IGF2: variants seen among roughly 807,000 people sequenced by gnomAD.
IGF2 encodes the protein insulin like growth factor 2.
Under a neutral mutation model 12.0 loss-of-function variants are expected in IGF2, and 2 were observed. The ratio of observed to expected loss-of-function variants is 0.17; its 90% CI spans 0.07 to 0.52. IGF2 has a LOEUF of 0.52. Ranked by LOEUF, IGF2 falls within the 20% of genes least tolerant of loss-of-function variation. The pLI is 0.95. For synonymous variants in IGF2, 105 were observed against 110.1 expected (o/e 0.95, Z 0.29); for missense variants, 211 against 268.0 (o/e 0.79, Z 1.48).
At chr11:2,139,697 C>T (rs1859419866), upstream of IGF2, among the ~76,000 whole-genome samples, 2 of 151,704 alleles carry the variant, frequency 1.3e-5, no homozygotes, top group South Asian at 2.1e-4. Flanking sequence ...TCAGGGGCCC[C>T]ATCCCGGGTT....
At chr11:2,148,439 G>C in the IGF2 span, 1 of 152,732 alleles carries the variant, frequency 6.5e-6, no homozygotes, top group Admixed American at 6.5e-5. The surrounding 1 kb of genome is among the most constrained non-coding windows in gnomAD (Gnocchi z 4.3). Flanking sequence ...GCGCCTCTCT[G>C]TGCCAGGGAG....
chr11:2,129,827 C>A lies in IGF2; in HGVS notation c.*3160G>T, dbSNP rs1316791744. ...GGGGCACAAGTGGGGGCGAGGTAAA[C>A]CTCCCAGAGGCCGAGTCCCTGCCGC... On this transcript the variant is annotated 3_prime_UTR_variant, in exon 4 of 4. Transcript: ENST00000416167. This position sits in a 1 kb window ranked among gnomAD's most constrained non-coding sequence, Gnocchi z 8.1. 7 of 232,264 alleles carry A rather than the reference C, an allele frequency of 3.0e-5. No individual in the cohort carries two copies. The highest frequency in any genetic ancestry group is 5.6e-5 in the Admixed American group (1 of 17,736). 14.4% of individuals were successfully genotyped at this position (232,264 alleles called of 1,614,324 possible). A position where few individuals can be genotyped will look rare whatever the true frequency, so the allele number is the denominator to read the frequency against.
intron 1 of IGF2, among the ~76,000 whole-genome samples, chr11:2,136,481 G>A (rs1016097771): frequency 6.6e-6 from 1 of 152,246 alleles, no homozygotes; most frequent in African/African-American, 2.4e-5. Context: ...AGGCTGCAGG[G>A]CCACAGGGCC....
At chr11:2,137,320 T>G in intron 1 of IGF2, 2 of 934,198 alleles carry the variant, frequency 2.1e-6, no homozygotes, top group Non-Finnish European at 2.6e-6. Context: ...CTTTTATGTG[T>G]GAGCCGACTC....
upstream of IGF2, chr11:2,140,894 G>A: frequency 2.6e-6 from 1 of 377,708 alleles, no homozygotes; most frequent in Non-Finnish European, 5.1e-6. Context: ...CGCACCAGGA[G>A]CTCAGGCAGC....
intron 1 of IGF2, among the ~76,000 whole-genome samples, chr11:2,135,797 A>G (rs1486972640): frequency 1.3e-5 from 2 of 152,218 alleles, no homozygotes; most frequent in Non-Finnish European, 2.9e-5. Context: ...GTAATTTTAC[A>G]CGAGGGGTGA....
At chr11:2,146,330 G>C in the IGF2 span, 1 of 536,060 alleles carries the variant, frequency 1.9e-6, no homozygotes, top group Non-Finnish European at 3.8e-6. Flanking sequence ...AGGGTCCTCA[G>C]AGCGCCCCTC....
chr11:2,136,015 C>T (rs80198442), intron 1 of IGF2, among the ~76,000 whole-genome samples: 2 of 152,188 alleles, frequency 1.3e-5, no homozygotes, highest in Admixed American at 6.5e-5. Flanking sequence ...GGACCAGTCC[C>T]TTCCTCCCCA....
intron 1 of IGF2, among the ~76,000 whole-genome samples, chr11:2,135,976 C>T (rs2133594303): frequency 6.6e-6 from 1 of 152,278 alleles, no homozygotes; most frequent in East Asian, 1.9e-4. Flanking sequence ...GCAGACAGCC[C>T]CACCCCTACA....
At chr11:2,143,646 C>A (rs1489565864), upstream of IGF2, among the ~76,000 whole-genome samples, 1 of 152,170 alleles carries the variant, frequency 6.6e-6, no homozygotes, top group Admixed American at 6.5e-5. Context: ...GAAAGCACAT[C>A]TGGGGCCCCA....
chr11:2,135,317 T>G, intron 2 of IGF2, 50 bp downstream of exon 2: 1 of 1,485,626 alleles, frequency 6.7e-7, no homozygotes, highest in South Asian at 1.3e-5. Context: ...TCCTCACCGG[T>G]CACTCTAGGG....
At chr11:2,147,688 T>G in the IGF2 span, 179 of 1,250,462 alleles carry the variant, frequency 1.4e-4, no homozygotes, top group Non-Finnish European at 1.8e-4. This position sits in a 1 kb window ranked among gnomAD's most constrained non-coding sequence, Gnocchi z 7.2. Context: ...TCTGGCCTGC[T>G]GGGGCTCAGG....
At chr11:2,146,615 G>A in the IGF2 span, 1 of 341,688 alleles carries the variant, frequency 2.9e-6, no homozygotes, top group Non-Finnish European at 5.8e-6. Flanking sequence ...AAAGGACTGA[G>A]GCGGCGCCAC....
upstream of IGF2, chr11:2,146,226 A>G (rs1485336743): frequency 5.7e-6 from 3 of 528,720 alleles, no homozygotes; most frequent in Admixed American, 5.8e-5. Context: ...GGCCTTTCTC[A>G]TTCCCATTTC....
Position 2,138,459 on chromosome 11 carries a change from G to T in IGF2, c.-237C>A. Reference sequence around the variant, plus strand: ...GTCTTCGGGCTGGGGCGGGCCAGATGTTGTACTTTTCGGGGGGGAAAAGGT... The same window carrying T: ...GTCTTCGGGCTGGGGCGGGCCAGATTTTGTACTTTTCGGGGGGGAAAAGGT... On this transcript the variant is annotated 5_prime_UTR_variant, in exon 1 of 4. Coordinates refer to ENST00000416167, the MANE Select transcript of IGF2 (RefSeq NM_000612.6). 1.1e-6 allele frequency: 1 copy of T among 917,256 alleles called. No homozygotes were observed. Among genetic ancestry groups the T allele is most frequent in the Non-Finnish European group, 1.3e-6 (1 of 774,106 alleles). 56.8% of individuals were successfully genotyped at this position (917,256 alleles called of 1,614,324 possible). A position where few individuals can be genotyped will look rare whatever the true frequency, so the allele number is the denominator to read the frequency against.
intron 2 of IGF2, among the ~76,000 whole-genome samples, chr11:2,134,873 A>G (rs1368744136): frequency 6.6e-6 from 1 of 152,202 alleles, no homozygotes; most frequent in Admixed American, 6.5e-5. Flanking sequence ...AGGCGCATGC[A>G]CCGCTCACCC....
chr11:2,131,685 C>T lies in IGF2; in HGVS notation c.*1302G>A. 6.4e-6 allele frequency: 1 copy of T among 156,174 alleles called. No homozygotes were observed. The highest frequency in any genetic ancestry group is 1.2e-5 in the Non-Finnish European group (1 of 83,158). 9.7% of individuals were successfully genotyped at this position (156,174 alleles called of 1,614,324 possible). A position where few individuals can be genotyped will look rare whatever the true frequency, so the allele number is the denominator to read the frequency against. On this transcript the variant is annotated 3_prime_UTR_variant, in exon 4 of 4. Coordinates refer to ENST00000416167, the MANE Select transcript of IGF2 (RefSeq NM_000612.6). ...TGCGTGTGCTGTGTGCATGTGTGTG[C>T]TGTGTTTGTGTGTGTGCTGTGTGTG...
At chr11:2,143,242 A>C (rs541933935), upstream of IGF2, among the ~76,000 whole-genome samples, 1 of 150,814 alleles carries the variant, frequency 6.6e-6, no homozygotes, top group East Asian at 2.0e-4. Context: ...GAGTGTCATG[A>C]GGGACTTGGG....
chr11:2,130,528 T>TG lies in IGF2; in HGVS notation c.*2458dup, dbSNP rs57423851. On this transcript the variant is annotated 3_prime_UTR_variant, in exon 4 of 4. Coordinates refer to ENST00000416167, the MANE Select transcript of IGF2 (RefSeq NM_000612.6). ...CTTTTGTCACTGCCCCCCTGTTACATGGGGGGGGGGTTTAATTTGGTTTCT... is the reference window on the plus strand; with the variant it reads ...CTTTTGTCACTGCCCCCCTGTTACATGGGGGGGGGGGTTTAATTTGGTTTCT... 0.12 allele frequency: 17,916 copies of TG among 145,942 alleles called. 1,427 individuals are homozygous for TG. The highest frequency in any genetic ancestry group is 0.32 in the African/African-American group (9,476 of 29,248). The allele number at this position is 145,942 out of a possible 1,614,324, so 9.0% of individuals were successfully genotyped here. A position where few individuals can be genotyped will look rare whatever the true frequency, so the allele number is the denominator to read the frequency against.
Sources: allele counts gnomAD v4.1 joint callset (sites outside exome capture counted in the v4.1 genomes callset), GRCh38; gene constraint gnomAD v4.1.1; non-coding constraint Gnocchi (gnomAD v3.1); transcripts MANE v1.5; gene names NCBI Gene and HGNC (gene_info 2026-07-23, HGNC 2026-07-21).